Variants in ZNF428 observed in about 807,000 individuals in gnomAD.
ZNF428 encodes enzyme-like protein PIT13.
Under a neutral mutation model 15.6 loss-of-function variants are expected in ZNF428, and 5 were observed. That is an observed-to-expected ratio of 0.32 (90% CI 0.17 to 0.67). ZNF428 has a LOEUF of 0.67. Ranked by LOEUF, ZNF428 falls within the 30% of genes least tolerant of loss-of-function variation. The pLI is 0.73. For synonymous variants in ZNF428, 97 were observed against 102.2 expected (o/e 0.95, Z 0.31); for missense variants, 237 against 256.0 (o/e 0.93, Z 0.51).
At chr19:43,619,206 A>C (rs1330767913) in intron 1 of ZNF428, among the ~76,000 whole-genome samples, 1 of 152,132 alleles carries the variant, frequency 6.6e-6, no homozygotes, top group Non-Finnish European at 1.5e-5. Flanking sequence ...GCCTATAGCG[A>C]CCACCTTCCC....
chr19:43,615,628 C>A (rs1388652055), intron 1 of ZNF428, among the ~76,000 whole-genome samples: 8 of 152,000 alleles, frequency 5.3e-5, no homozygotes, highest in Admixed American at 5.2e-4. Context: ...ATAAATTGAG[C>A]CTGGAAGGTC....
chr19:43,613,896 A>C (rs754895976), intron 2 of ZNF428: 19 of 1,551,540 alleles, frequency 1.2e-5, no homozygotes, highest in Non-Finnish European at 1.5e-5. Flanking sequence ...GAGGAGAGAG[A>C]TCACAGCCGA....
At chr19:43,619,495 T>C (rs1973413567) in intron 1 of ZNF428, 63 bp downstream of exon 1, 1 of 152,240 alleles carries the variant, frequency 6.6e-6, no homozygotes, top group South Asian at 2.1e-4. Context: ...GCTCCCATCA[T>C]GCAGCGGGGC....
rs1973259520 is a variant in ZNF428 at position 43,608,100 on chromosome 19, C to T, written c.84G>A (p.Glu28=). 1.4e-5 allele frequency: 23 copies of T among 1,611,952 alleles called. No individual in the cohort carries two copies. Among genetic ancestry groups the T allele is most frequent in the Non-Finnish European group, 2.0e-5 (23 of 1,178,790 alleles). ...GAGTGTATTCTGAATCAGAGGAATG[C>T]TCGGGGCCTGGAGGGGGACAGACAG... is the stretch of plus-strand genomic sequence containing the variant. ...EDDEDLSPGP[E]HSSDSEYTLS... Residue 28 remains glutamate, a synonymous_variant, in exon 3 of 3, where the codon GAG becomes GAA. Coordinates refer to ENST00000300811, the MANE Select transcript of ZNF428 (RefSeq NM_182498.4).
rs1312795130 is a variant in ZNF428 at position 43,612,886 on chromosome 19, G to T, written c.76+1343C>A. ...AGATGATCATCCCCAGTAGGGAAAA[G>T]AGTTACAGCCCCACTGAAATGTCCA... On this transcript the variant is annotated intron_variant, in intron 2 of 2. Coordinates refer to ENST00000300811, the MANE Select transcript of ZNF428 (RefSeq NM_182498.4). This position sits in a 1 kb window ranked among gnomAD's most constrained non-coding sequence, Gnocchi z 4.2. 2 of 1,551,674 alleles carry T rather than the reference G, an allele frequency of 1.3e-6. No individual in the cohort carries two copies. The highest frequency in any genetic ancestry group is 1.7e-6 in the Non-Finnish European group (2 of 1,147,004).
intron 2 of ZNF428, among the ~76,000 whole-genome samples, chr19:43,609,072 A>G (rs1481972209): frequency 6.6e-6 from 1 of 152,216 alleles, no homozygotes; most frequent in Non-Finnish European, 1.5e-5. Flanking sequence ...CAGTAACAAC[A>G]GCATCCTTGC....
chr19:43,613,679 G>C, intron 2 of ZNF428: 1 of 1,551,536 alleles, frequency 6.4e-7, no homozygotes, highest in Non-Finnish European at 8.7e-7. Flanking sequence ...CAAAGAGAGA[G>C]ATCACAGACG....
In ZNF428 at chr19:43,613,986, C is replaced by A. The variant is rs754630931; in HGVS notation, c.76+243G>T. 11 of 1,551,414 alleles carry A rather than the reference C, an allele frequency of 7.1e-6. No individual in the cohort carries two copies. In the South Asian group the frequency reaches 9.5e-5, roughly 13 times the overall value. ...GAGAAAGCTCATAGCCGATCTAGAACCCCCAGCAAAGAAGGAAATCATAGC... is the reference window on the plus strand; with the variant it reads ...GAGAAAGCTCATAGCCGATCTAGAAACCCCAGCAAAGAAGGAAATCATAGC... On this transcript the variant is annotated intron_variant, in intron 2 of 2. Transcript: ENST00000300811.
chr19:43,607,396 AACACACACACGGGCGGGAATACACACAC>A lies in ZNF428; in HGVS notation c.*193_*220del, dbSNP rs1313216716. 1.2e-4 allele frequency: 63 copies of A among 529,018 alleles called. No individual in the cohort carries two copies. Among genetic ancestry groups the A allele is most frequent in the Non-Finnish European group, 1.6e-4 (51 of 317,108 alleles). The allele number at this position is 529,018 out of a possible 1,614,324, so 32.8% of individuals were successfully genotyped here. A position where few individuals can be genotyped will look rare whatever the true frequency, so the allele number is the denominator to read the frequency against. ...ATACACACACACACACACACACACA[AACACACACACGGGCGGGAATACACACAC>A]ACACACACACACTCTGAACCAACAC... On this transcript the variant is annotated 3_prime_UTR_variant, in exon 3 of 3. Coordinates refer to ENST00000300811, the MANE Select transcript of ZNF428 (RefSeq NM_182498.4). The surrounding 1 kb of genome is among the most constrained non-coding windows in gnomAD (Gnocchi z 5.1).
intron 2 of ZNF428, chr19:43,608,662 G>T (rs1174219409): frequency 6.6e-6 from 1 of 152,624 alleles, no homozygotes; most frequent in Non-Finnish European, 1.5e-5. Context: ...GGGCGCGGTA[G>T]ATTACTCCTG....
At position 43,612,707 on chromosome 19, in the gene ZNF428, TA is replaced by T; in HGVS notation, c.76+1521del. 6.4e-7 allele frequency: 1 copy of T among 1,551,540 alleles called. No individual in the cohort carries two copies. On this transcript the variant is annotated intron_variant, in intron 2 of 2. Coordinates refer to ENST00000300811, the MANE Select transcript of ZNF428 (RefSeq NM_182498.4). The surrounding 1 kb of genome is among the most constrained non-coding windows in gnomAD (Gnocchi z 4.2). The stretch of plus-strand genomic sequence containing the variant: ...GCCTAGAAATCTGAGCAAGAAGAGT[TA>T]CCGCCCACCAGGAGGCTCAGGTATA...
intron 2 of ZNF428, chr19:43,613,242 A>T (rs1411243173): frequency 6.4e-7 from 1 of 1,551,392 alleles, no homozygotes; most frequent in South Asian, 1.2e-5. Flanking sequence ...TCCAGCAAAG[A>T]GAGAGATCAC....
chr19:43,612,791 G>A lies in ZNF428; in HGVS notation c.76+1438C>T. On this transcript the variant is annotated intron_variant, in intron 2 of 2. Coordinates refer to ENST00000300811, the MANE Select transcript of ZNF428 (RefSeq NM_182498.4). This position sits in a 1 kb window ranked among gnomAD's most constrained non-coding sequence, Gnocchi z 4.2. ...TACAGCCAAGTGTCAAACCCCGACT[G>A]GAATTCCCTCCAAGGAGAAGAGTGA... is the stretch of plus-strand genomic sequence containing the variant. 1 of 1,551,580 alleles carries A rather than the reference G, an allele frequency of 6.4e-7. No homozygotes were observed. Among genetic ancestry groups the A allele is most frequent in the Non-Finnish European group, 8.7e-7 (1 of 1,146,962 alleles).
intron 2 of ZNF428, among the ~76,000 whole-genome samples, chr19:43,611,509 G>C (rs868320741): frequency 2.6e-4 from 40 of 152,044 alleles, no homozygotes; most frequent in African/African-American, 8.9e-4. Flanking sequence ...TGGTAGAGAT[G>C]GGGTTTCACC....
chr19:43,607,807 G>T lies in ZNF428; in HGVS notation c.377C>A (p.Pro126His), dbSNP rs1017195420. The stretch of plus-strand genomic sequence containing the variant: ...TTCCTCCCCGAGGGCCCTGCCTTCA[G>T]GGGCTGGTGCTTCCTGGGGGGCTGT... ...PATAPQEAPA[P>H]EGRALGEEEE... Residue 126 changes from proline (P) to histidine (H), a missense_variant, in exon 3 of 3, where the codon CCT becomes CAT. By Grantham distance (77) the Pro-to-His change is moderately conservative (BLOSUM62 -2). Transcript: ENST00000300811. The surrounding 1 kb of genome is among the most constrained non-coding windows in gnomAD (Gnocchi z 5.1). 6.3e-7 allele frequency: 1 copy of T among 1,576,242 alleles called. No individual in the cohort carries two copies. Among genetic ancestry groups the T allele is most frequent in the African/African-American group, 1.4e-5 (1 of 73,900 alleles).
rs987828355 is a variant in ZNF428, at chr19:43,614,293, G to A, written c.12C>T (p.Thr4=). 6.2e-7 allele frequency: 1 copy of A among 1,609,920 alleles called. No homozygotes were observed. The highest frequency in any genetic ancestry group is 1.3e-5 in the African/African-American group (1 of 74,998). ...AGCCCCCAGTCTCAGCTGGCTCACGGGTCTCTGTCATGACCGGGGGAGGGG... is the reference window on the plus strand; with the variant it reads ...AGCCCCCAGTCTCAGCTGGCTCACGAGTCTCTGTCATGACCGGGGGAGGGG... MTE[T]REPAETGGYA... The change falls in exon 2 of 3, where the codon ACC becomes ACT. Residue 4 remains threonine (T), a synonymous_variant. Coordinates refer to ENST00000300811, the MANE Select transcript of ZNF428 (RefSeq NM_182498.4).
intron 2 of ZNF428, chr19:43,613,988 C>A (rs1227453471): frequency 2.6e-6 from 4 of 1,551,682 alleles, no homozygotes; most frequent in East Asian, 2.4e-5. Context: ...ATCTAGAACC[C>A]CCAGCAAAGA....
chr19:43,616,668 G>C (rs1383802129), intron 1 of ZNF428, among the ~76,000 whole-genome samples: 1 of 152,134 alleles, frequency 6.6e-6, no homozygotes, highest in Non-Finnish European at 1.5e-5. Context: ...ATTCCATCAA[G>C]AGTGGCCATT....
At chr19:43,614,594 C>G (rs1374718324) in intron 1 of ZNF428, 160 bp from the exon 2 acceptor site, 8 of 475,448 alleles carry the variant, frequency 1.7e-5, no homozygotes. Flanking sequence ...AGCCCTGCCC[C>G]TCTCTAGGTC....
Sources: gnomAD v4.1 joint callset for allele counts (sites outside exome capture counted in the v4.1 genomes callset) on GRCh38, gnomAD v4.1.1 for gene constraint, Gnocchi (gnomAD v3.1) non-coding constraint, MANE v1.5 for transcripts, NCBI Gene and HGNC (gene_info 2026-07-23, HGNC 2026-07-21) for gene names.